The following CNGB3 variants were observed in gnomAD, a reference collection of about 807,000 sequenced individuals.
CNGB3 encodes the protein cyclic nucleotide-gated channel beta-3.
A neutral mutation model predicts 92.8 loss-of-function variants in CNGB3; 86 were observed. That is an observed-to-expected ratio of 0.93 (90% CI 0.78 to 1.11). CNGB3 has a LOEUF of 1.11. CNGB3 is among the 50% of genes least tolerant of loss of function. The pLI is 0.00. For missense variants in CNGB3, 1,026 were observed against 956.8 expected, an observed-to-expected ratio of 1.07 and a Z score of -0.95; for synonymous variants, 333 against 332.7, an observed-to-expected ratio of 1.00 and a Z score of -0.01.
intron 10 of CNGB3, among the ~76,000 whole-genome samples, chr8:86,638,333 C>T (rs1428171104): frequency 6.6e-6 from 1 of 152,014 alleles, no homozygotes; most frequent in African/African-American, 2.4e-5. Context: ...TTTCACATTC[C>T]CTCTAACAAT....
At chr8:86,696,801 T>C (rs1383571198) in intron 3 of CNGB3, among the ~76,000 whole-genome samples, 8 of 152,246 alleles carry the variant, frequency 5.3e-5, no homozygotes. Flanking sequence ...ATTTTCAGTC[T>C]CTGTGTGTCT....
chr8:86,651,606 T>C (rs1232689674), intron 7 of CNGB3, among the ~76,000 whole-genome samples: 1 of 151,876 alleles, frequency 6.6e-6, no homozygotes, highest in Admixed American at 6.6e-5. Flanking sequence ...TAACGATCTT[T>C]TTGCTTGCTT....
At chr8:86,608,976 C>T (rs1430960941) in intron 14 of CNGB3, among the ~76,000 whole-genome samples, 1 of 152,150 alleles carries the variant, frequency 6.6e-6, no homozygotes, top group Non-Finnish European at 1.5e-5. Context: ...GTCTTTATTT[C>T]TACACTCTCT....
chr8:86,673,312 A>G (rs934927049), intron 3 of CNGB3, among the ~76,000 whole-genome samples: 9 of 152,234 alleles, frequency 5.9e-5, no homozygotes, highest in African/African-American at 1.9e-4. Context: ...TCTTTGACAG[A>G]TAAATGATAG....
chr8:86,626,609 A>T lies in CNGB3; in HGVS notation c.1481-529T>A, dbSNP rs551046685. 5.3e-5 allele frequency among the ~76,000 whole-genome samples: 8 copies of T among 152,298 alleles called. No individual in the cohort carries two copies. In the East Asian group the frequency reaches 1.2e-3, roughly 22 times the overall value. ...AAAGAAGAAAAACAAAAAGGACTGA[A>T]GCCCTGAGAAGCTGTAAGTGACTTG... On this transcript the variant is annotated intron_variant, in intron 12 of 17. Coordinates refer to ENST00000320005, the MANE Select transcript of CNGB3 (RefSeq NM_019098.5).
intron 10 of CNGB3, among the ~76,000 whole-genome samples, chr8:86,642,646 A>G (rs1199945587): frequency 1.3e-5 from 2 of 151,534 alleles, no homozygotes; most frequent in Non-Finnish European, 3.0e-5. Flanking sequence ...ACATTGCCTT[A>G]TTATATGTTC....
chr8:86,670,398 C>A (rs1380636784), intron 4 of CNGB3, among the ~76,000 whole-genome samples: 4 of 152,124 alleles, frequency 2.6e-5, no homozygotes, highest in Non-Finnish European at 4.4e-5. Context: ...GGCTTCCCTG[C>A]ATCTGTCGGA....
At chr8:86,624,223 A>G (rs894540445) in intron 13 of CNGB3, among the ~76,000 whole-genome samples, 10 of 152,206 alleles carry the variant, frequency 6.6e-5, no homozygotes, top group African/African-American at 2.4e-4. Context: ...GTTCAAGACC[A>G]GCCTGGCCAA....
chr8:86,665,318 A>C (rs1460195275), intron 6 of CNGB3, among the ~76,000 whole-genome samples: 1 of 152,220 alleles, frequency 6.6e-6, no homozygotes, highest in Admixed American at 6.5e-5. Flanking sequence ...AACTGTTGGT[A>C]GGAGGGTAAA....
At chr8:86,733,909 G>T (rs1825201577) in intron 2 of CNGB3, among the ~76,000 whole-genome samples, 1 of 152,032 alleles carries the variant, frequency 6.6e-6, no homozygotes, top group South Asian at 2.1e-4. Flanking sequence ...TTTCAGTCAT[G>T]CAGGCTGGAG....
intron 6 of CNGB3, among the ~76,000 whole-genome samples, chr8:86,663,684 C>A (rs759267038): frequency 7.2e-5 from 11 of 152,198 alleles, no homozygotes; most frequent in Non-Finnish European, 1.3e-4. Flanking sequence ...AAATATGAGA[C>A]CTTCAGGTTG....
chr8:86,617,022 A>T (rs1375802740), intron 13 of CNGB3, among the ~76,000 whole-genome samples: 1 of 152,220 alleles, frequency 6.6e-6, no homozygotes, highest in Non-Finnish European at 1.5e-5. Context: ...AGCTGTTAGA[A>T]ATTATTCCAT....
chr8:86,632,203 A>AG (rs1375584347), intron 11 of CNGB3, among the ~76,000 whole-genome samples: 1 of 151,004 alleles, frequency 6.6e-6, no homozygotes, highest in African/African-American at 2.4e-5. Flanking sequence ...TGTCTCAAAA[A>AG]AAAAAAAAAA....
intron 3 of CNGB3, among the ~76,000 whole-genome samples, chr8:86,712,629 G>C (rs1300100787): frequency 6.6e-6 from 1 of 151,660 alleles, no homozygotes; most frequent in Non-Finnish European, 1.5e-5. Flanking sequence ...TTTCTATTCT[G>C]TTCTATGGTT....
At chr8:86,705,846 G>A (rs2131652276) in intron 3 of CNGB3, among the ~76,000 whole-genome samples, 1 of 152,294 alleles carries the variant, frequency 6.6e-6, no homozygotes, top group East Asian at 1.9e-4. Context: ...AAATGATGTG[G>A]ATTATAGTAT....
chr8:86,582,449 A>G (rs1821807019), intron 15 of CNGB3, among the ~76,000 whole-genome samples: 1 of 152,056 alleles, frequency 6.6e-6, no homozygotes, highest in African/African-American at 2.4e-5. Context: ...ATACAAAACC[A>G]TAGATCCAGG....
chr8:86,632,864 C>G lies in CNGB3; in HGVS notation c.1208G>C (p.Arg403Pro). 6.2e-7 allele frequency: 1 copy of G among 1,612,568 alleles called. No individual in the cohort carries two copies. ...EYLRCYYWAV[R>P]TLITIGGLPE... ...AAGGCCACCAATGGTAATTAAAGTT[C>G]GAACTGCCCAATAATAACATCTCAG... The change falls in exon 11 of 18, where the codon CGA (arginine) becomes CCA (proline). Residue 403 changes from arginine (R) to proline (P), a missense_variant. By Grantham distance (103) the Arg-to-Pro change is moderately radical. Coordinates refer to ENST00000320005, the MANE Select transcript of CNGB3 (RefSeq NM_019098.5).
chr8:86,600,158 G>A (rs538266105), intron 15 of CNGB3, among the ~76,000 whole-genome samples: 1 of 152,256 alleles, frequency 6.6e-6, no homozygotes, highest in African/African-American at 2.4e-5. Flanking sequence ...TCAGCTTTTG[G>A]TTCCCAAATA....
chr8:86,685,051 A>G (rs1365352712), intron 3 of CNGB3, among the ~76,000 whole-genome samples: 1 of 152,146 alleles, frequency 6.6e-6, no homozygotes, highest in East Asian at 1.9e-4. Context: ...CTGGTTGTGA[A>G]TTATCATTTT....
Sources: gnomAD v4.1 joint callset for allele counts (sites outside exome capture counted in the v4.1 genomes callset) on GRCh38, gnomAD v4.1.1 for gene constraint, MANE v1.5 for transcripts, NCBI Gene and HGNC (gene_info 2026-07-23, HGNC 2026-07-21) for gene names.